The following FAM168A variants were observed in gnomAD, a reference collection of about 807,000 sequenced individuals.
FAM168A encodes the protein protein FAM168A.
Under a neutral mutation model 28.5 loss-of-function variants are expected in FAM168A, and 3 were observed. That is an observed-to-expected ratio of 0.11 (90% CI 0.05 to 0.27). FAM168A has a LOEUF of 0.27. Ranked by LOEUF, FAM168A falls within the 10% of genes least tolerant of loss-of-function variation. The pLI is 1.00. For missense variants in FAM168A, 222 were observed against 311.5 expected, an observed-to-expected ratio of 0.71 and a Z score of 2.16; for synonymous variants, 122 against 124.2, an observed-to-expected ratio of 0.98 and a Z score of 0.12.
intron 1 of FAM168A, among the ~76,000 whole-genome samples, chr11:73,585,139 G>C (rs546769202): frequency 1.3e-5 from 2 of 152,106 alleles, no homozygotes; most frequent in African/African-American, 2.4e-5. Flanking sequence ...TAAAGTCAGC[G>C]CTTAATTTCT....
intron 2 of FAM168A, among the ~76,000 whole-genome samples, chr11:73,448,178 G>T (rs1385845195): frequency 6.6e-6 from 1 of 152,162 alleles, no homozygotes; most frequent in Non-Finnish European, 1.5e-5. Flanking sequence ...CTCCCAAGTA[G>T]CTGGGACTAC....
chr11:73,594,514 T>C lies in FAM168A; in HGVS notation c.-19+3409A>G, dbSNP rs187037651. 1.6e-3 allele frequency among the ~76,000 whole-genome samples: 239 copies of C among 152,310 alleles called. 1 individual carries two copies. Among genetic ancestry groups the C allele is most frequent in the African/African-American group, 5.3e-3 (220 of 41,568 alleles). On this transcript the variant is annotated intron_variant, in intron 1 of 7. Transcript: ENST00000356467. ...CACAATGTTTTGCAGCCATTACCAC[T>C]AAATATGAAAGGTTTTTTGTTTGTT...
At chr11:73,427,055 A>T (rs908943448) in intron 3 of FAM168A, among the ~76,000 whole-genome samples, 1 of 151,866 alleles carries the variant, frequency 6.6e-6, no homozygotes, top group Non-Finnish European at 1.5e-5. Flanking sequence ...GCAGTGGCGC[A>T]ATCTTGGCTC....
In FAM168A at chr11:73,403,131, G is replaced by A. The variant is rs1347397371; in HGVS notation, c.*3632C>T. 6.6e-6 allele frequency: 1 copy of A among 152,202 alleles called. No individual in the cohort carries two copies. Among genetic ancestry groups the A allele is most frequent in the African/African-American group, 2.4e-5 (1 of 41,444 alleles). 9.4% of individuals were successfully genotyped at this position (152,202 alleles called of 1,614,324 possible). On this transcript the variant is annotated 3_prime_UTR_variant, in exon 8 of 8. Coordinates refer to ENST00000356467, the MANE Select transcript of FAM168A (RefSeq NM_015159.3). ...TGCATACCAAAAACGCTCTGGACAGGTGTGTGTGTCTCTGCTAAATATTCA... is the reference window on the plus strand; with the variant it reads ...TGCATACCAAAAACGCTCTGGACAGATGTGTGTGTCTCTGCTAAATATTCA...
At chr11:73,518,101 A>T (rs1406774300) in intron 1 of FAM168A, among the ~76,000 whole-genome samples, 1 of 152,230 alleles carries the variant, frequency 6.6e-6, no homozygotes, top group Non-Finnish European at 1.5e-5. Context: ...TTCTATCACT[A>T]GTAAGTGACA....
intron 4 of FAM168A, among the ~76,000 whole-genome samples, chr11:73,413,070 C>A (rs557777082): frequency 6.6e-6 from 1 of 152,252 alleles, no homozygotes; most frequent in Non-Finnish European, 1.5e-5. Flanking sequence ...TTCTAAAGAT[C>A]CTGGGTCTCT....
At chr11:73,451,852 G>A (rs1332025813) in intron 2 of FAM168A, among the ~76,000 whole-genome samples, 20 of 152,234 alleles carry the variant, frequency 1.3e-4, no homozygotes, top group Non-Finnish European at 2.9e-5. Flanking sequence ...GTCCATGAGT[G>A]TAAGTTAACT....
chr11:73,462,272 C>T (rs1867660039), intron 2 of FAM168A, among the ~76,000 whole-genome samples: 1 of 152,094 alleles, frequency 6.6e-6, no homozygotes, highest in Non-Finnish European at 1.5e-5. Flanking sequence ...TATTATTCAG[C>T]CTAAAAAGGA....
chr11:73,550,609 C>T (rs989647018), intron 1 of FAM168A, among the ~76,000 whole-genome samples: 3 of 152,024 alleles, frequency 2.0e-5, no homozygotes, highest in Non-Finnish European at 4.4e-5. Flanking sequence ...GAGCCATGAT[C>T]GTATCACTGC....
intron 1 of FAM168A, among the ~76,000 whole-genome samples, chr11:73,570,454 A>C (rs1944072899): frequency 6.6e-6 from 1 of 152,182 alleles, no homozygotes; most frequent in East Asian, 1.9e-4. Flanking sequence ...AAAAAGAAAA[A>C]TTTTAGACTG....
At chr11:73,504,699 C>G (rs890520113) in intron 1 of FAM168A, among the ~76,000 whole-genome samples, 6 of 152,112 alleles carry the variant, frequency 3.9e-5, no homozygotes, top group African/African-American at 1.4e-4. Context: ...AAGACACATG[C>G]ACATATATGT....
chr11:73,529,279 G>C (rs1231927065), intron 1 of FAM168A, among the ~76,000 whole-genome samples: 1 of 152,170 alleles, frequency 6.6e-6, no homozygotes, highest in African/African-American at 2.4e-5. Context: ...TCAAATTTTA[G>C]AACAGCCAAA....
chr11:73,536,865 T>C (rs1327971714), intron 1 of FAM168A, among the ~76,000 whole-genome samples: 1 of 152,194 alleles, frequency 6.6e-6, no homozygotes. Context: ...CGGATCCATA[T>C]GTGGATAAAT....
chr11:73,516,862 T>C (rs539105331), intron 1 of FAM168A, among the ~76,000 whole-genome samples: 2 of 152,330 alleles, frequency 1.3e-5, no homozygotes, highest in East Asian at 1.9e-4. Context: ...TTATGCACTT[T>C]CTATGTGCCT....
At chr11:73,448,080 G>A (rs1867355098) in intron 2 of FAM168A, among the ~76,000 whole-genome samples, 1 of 152,008 alleles carries the variant, frequency 6.6e-6, no homozygotes, top group Admixed American at 6.6e-5. Context: ...ACACAGTCTC[G>A]CTCTGTTGCC....
intron 1 of FAM168A, among the ~76,000 whole-genome samples, chr11:73,567,183 C>T (rs1049114346): frequency 2.0e-5 from 3 of 151,924 alleles, no homozygotes; most frequent in Admixed American, 6.6e-5. Context: ...GGAATAGATT[C>T]GAGAAATGTT....
intron 2 of FAM168A, among the ~76,000 whole-genome samples, chr11:73,434,900 A>G (rs1253253863): frequency 2.0e-5 from 3 of 152,244 alleles, no homozygotes; most frequent in Non-Finnish European, 4.4e-5. Flanking sequence ...GAGACGTGAC[A>G]TCCCAAGAAC....
intron 1 of FAM168A, among the ~76,000 whole-genome samples, chr11:73,482,725 G>GT (rs1281101485): frequency 1.3e-5 from 2 of 151,726 alleles, no homozygotes; most frequent in Admixed American, 6.6e-5. Flanking sequence ...TTAAGAACAA[G>GT]TTTTTTTTGT....
intron 1 of FAM168A, among the ~76,000 whole-genome samples, chr11:73,563,224 C>T (rs1003030935): frequency 2.0e-5 from 3 of 152,180 alleles, no homozygotes; most frequent in Non-Finnish European, 4.4e-5. Flanking sequence ...CTGGTATATG[C>T]TTTGGAAGGC....
Sources: allele counts gnomAD v4.1 joint callset (sites outside exome capture counted in the v4.1 genomes callset), GRCh38; gene constraint gnomAD v4.1.1; transcripts MANE v1.5; gene names NCBI Gene and HGNC (gene_info 2026-07-23, HGNC 2026-07-21).